AKAP13: variants seen among roughly 807,000 people sequenced by gnomAD.
AKAP13 encodes the protein A-kinase anchoring protein 13.
In AKAP13, 80 loss-of-function variants were observed where a neutral mutation model predicts 264.5. The observed-to-expected ratio is 0.30, with a 90% CI of 0.25 to 0.36. The LOEUF is 0.36. Ranked by LOEUF, AKAP13 falls within the 10% of genes least tolerant of loss-of-function variation. The pLI, the probability that AKAP13 is intolerant of heterozygous loss-of-function variation, is 1.00. For synonymous variants in AKAP13, 1,380 were observed against 1,250.2 expected (o/e 1.10, Z -2.19); for missense variants, 3,712 against 3,435.2 (o/e 1.08, Z -2.01).
rs556779924 is a variant in AKAP13, at chr15:85,637,326, G to C, written c.4162-2048G>C. 6.6e-5 allele frequency among the ~76,000 whole-genome samples: 10 copies of C among 152,314 alleles called. No individual in the cohort carries two copies. The East Asian group carries it at 1.9e-3, about 29-fold the overall frequency. ...AACTATGGACTCAATTGCTTTAATA[G>C]AATAAGGCTATTTAGATTATCTATG... is the stretch of plus-strand genomic sequence containing the variant. On this transcript the variant is annotated intron_variant, in intron 8 of 36. Coordinates refer to ENST00000394518, the MANE Select transcript of AKAP13 (RefSeq NM_007200.5).
chr15:85,563,445 G>C (rs764798961), intron 5 of AKAP13, among the ~76,000 whole-genome samples: 1 of 149,648 alleles, frequency 6.7e-6, no homozygotes, highest in Non-Finnish European at 1.5e-5. Flanking sequence ...CAATGTAGCA[G>C]ATGGTGGACT....
At chr15:85,508,139 G>A (rs1317478239) in intron 2 of AKAP13, among the ~76,000 whole-genome samples, 1 of 149,726 alleles carries the variant, frequency 6.7e-6, no homozygotes, top group Non-Finnish European at 1.5e-5. Context: ...GGCACTTTGT[G>A]TAATTTTTTT....
chr15:85,694,010 G>A (rs2085433522), intron 17 of AKAP13, among the ~76,000 whole-genome samples: 2 of 152,210 alleles, frequency 1.3e-5, no homozygotes, highest in Non-Finnish European at 2.9e-5. Flanking sequence ...TTGAAAGGAT[G>A]AGGAGCATCT....
intron 2 of AKAP13, among the ~76,000 whole-genome samples, chr15:85,493,208 A>G (rs1179421309): frequency 3.3e-5 from 5 of 152,174 alleles, no homozygotes; most frequent in South Asian, 2.1e-4. Context: ...CAGCTGAGCT[A>G]TAATGACCAT....
intron 6 of AKAP13, 26 bp downstream of exon 6, chr15:85,575,355 A>G (rs374312022): frequency 1.2e-5 from 19 of 1,597,644 alleles, no homozygotes; most frequent in Non-Finnish European, 1.6e-5. Context: ...TTTATTTTTA[A>G]GTATATGCAT....
intron 1 of AKAP13, among the ~76,000 whole-genome samples, chr15:85,388,961 C>T (rs1165560983): frequency 1.3e-5 from 2 of 152,136 alleles, no homozygotes; most frequent in Admixed American, 6.5e-5. Flanking sequence ...GTGTAAGTTG[C>T]TTGTTACACC....
At chr15:85,652,387 T>G (rs764366719) in intron 10 of AKAP13, among the ~76,000 whole-genome samples, 4 of 152,226 alleles carry the variant, frequency 2.6e-5, no homozygotes, top group Non-Finnish European at 5.9e-5. Context: ...GTTTCCAAAC[T>G]GAGAAGAGCT....
In AKAP13 at chr15:85,533,655, G is replaced by T. The variant is rs116551873; in HGVS notation, c.253G>T (p.Ala85Ser). Residue 85 changes from alanine to serine, a missense_variant, in exon 4 of 37, where the codon GCT becomes TCT. Transcript: ENST00000394518. ...AGAGGGCCTTCCCGTGTTTGTGGTG[G>T]CTGAAGAAGACTTTCATTTCGTCCA... ...SKEGLPVFVV[A>S]EEDFHFVQDE... 155 of 1,614,188 alleles carry T rather than the reference G, an allele frequency of 9.6e-5. No homozygotes were observed. In the East Asian group the frequency reaches 2.7e-3, roughly 28 times the overall value.
At chr15:85,583,641 C>T (rs2079214458) in intron 7 of AKAP13, among the ~76,000 whole-genome samples, 1 of 152,136 alleles carries the variant, frequency 6.6e-6, no homozygotes, top group Admixed American at 6.5e-5. Flanking sequence ...CGTCCTTGGC[C>T]ACATGGGCCG....
At chr15:85,405,430 G>A (rs1020203126) in intron 1 of AKAP13, among the ~76,000 whole-genome samples, 2 of 152,136 alleles carry the variant, frequency 1.3e-5, no homozygotes, top group Non-Finnish European at 2.9e-5. Context: ...ACTATGGACC[G>A]GGTAAGTTAT....
chr15:85,552,504 C>CT (rs2077991439), intron 5 of AKAP13, among the ~76,000 whole-genome samples: 1 of 152,022 alleles, frequency 6.6e-6, no homozygotes, highest in South Asian at 2.1e-4. Flanking sequence ...AAGTATTCTT[C>CT]TTAAAGCCTA....
intron 1 of AKAP13, among the ~76,000 whole-genome samples, chr15:85,399,519 A>ATAAAAATAAAT (rs1450087789): frequency 9.6e-5 from 12 of 124,578 alleles, no homozygotes; most frequent in East Asian, 2.1e-4. Context: ...AAAAAAAAAA[A>ATAAAAATAAAT]AAATAAAAAA....
chr15:85,436,002 A>G (rs907499273), intron 1 of AKAP13, among the ~76,000 whole-genome samples: 128 of 147,698 alleles, frequency 8.7e-4, no homozygotes, highest in African/African-American at 3.1e-3. Flanking sequence ...AAATGCTTCA[A>G]TTAAAAGACA....
intron 1 of AKAP13, among the ~76,000 whole-genome samples, chr15:85,402,109 G>C (rs1361788127): frequency 6.6e-6 from 1 of 152,136 alleles, no homozygotes; most frequent in Non-Finnish European, 1.5e-5. Flanking sequence ...ACTGTATCAG[G>C]TTTTTGTTTG....
chr15:85,742,071 T>C (rs1338709956), intron 35 of AKAP13, among the ~76,000 whole-genome samples: 3 of 152,084 alleles, frequency 2.0e-5, no homozygotes. Flanking sequence ...AGAATCTTTG[T>C]TTTACCCCGA....
At chr15:85,730,491 G>T (rs2087927693) in intron 29 of AKAP13, 22 bp from the exon 30 acceptor site, 1 of 1,609,886 alleles carries the variant, frequency 6.2e-7, no homozygotes. Context: ...TCAAATCACA[G>T]ATCATTTTCT....
intron 1 of AKAP13, among the ~76,000 whole-genome samples, chr15:85,405,332 C>G (rs1437691888): frequency 1.3e-5 from 2 of 152,148 alleles, no homozygotes; most frequent in African/African-American, 4.8e-5. Flanking sequence ...AGTTTGGCTT[C>G]TAGCTCACTT....
In AKAP13 at chr15:85,412,970, TA is replaced by T. The variant is rs148398953; in HGVS notation, c.-12+32174del. Among the ~76,000 whole-genome samples the T allele has an allele frequency of 2.0e-3, 309 of 152,298 alleles. 3 individuals carry two copies. The highest frequency in any genetic ancestry group is 7.1e-3 in the African/African-American group (297 of 41,554). ...GGGGCTAAGGCACTGGCGGGTCAAG[TA>T]ATTGGCCCAAGCTTATTTAAGAGGT... is the stretch of plus-strand genomic sequence containing the variant. On this transcript the variant is annotated intron_variant, in intron 1 of 36. Coordinates refer to ENST00000394518, the MANE Select transcript of AKAP13 (RefSeq NM_007200.5).
chr15:85,521,510 C>T lies in AKAP13; in HGVS notation c.116C>T (p.Ser39Phe), dbSNP rs772593167. 2 of 1,613,992 alleles carry T rather than the reference C, an allele frequency of 1.2e-6. No homozygotes were observed. Among genetic ancestry groups the T allele is most frequent in the Non-Finnish European group, 1.7e-6 (2 of 1,180,024 alleles). Residue 39 changes from serine (S) to phenylalanine (F), a missense_variant, in exon 3 of 37, where the codon TCC becomes TTC. This residue lies in a region of AKAP13 where 2,759 missense variants were observed against 2,411.7 expected (regional missense o/e 1.14). Coordinates refer to ENST00000394518, the MANE Select transcript of AKAP13 (RefSeq NM_007200.5). ...DVVFYLVFLGSTLRHCTSTRK... is the reference protein window; with the variant it reads ...DVVFYLVFLGFTLRHCTSTRK... The stretch of plus-strand genomic sequence containing the variant: ...GTGTTTTACTTGGTATTTTTGGGTT[C>T]CACCCTCCGTCACTGTACAAGTACT...
Sources: gnomAD v4.1 joint callset for allele counts (sites outside exome capture counted in the v4.1 genomes callset) on GRCh38, gnomAD v4.1.1 for gene constraint, gnomAD v4.1.1 regional missense constraint, MANE v1.5 for transcripts, NCBI Gene and HGNC (gene_info 2026-07-23, HGNC 2026-07-21) for gene names.